Variants in RFX3 observed in about 807,000 individuals in gnomAD.
RFX3 encodes transcription factor RFX3.
A neutral mutation model predicts 98.6 loss-of-function variants in RFX3; 14 were observed. The ratio of observed to expected loss-of-function variants is 0.14; its 90% CI spans 0.09 to 0.22. The LOEUF (loss-of-function observed/expected upper bound fraction) is 0.22, where lower values mean the gene tolerates loss of function less well. Among genes scored for constraint, RFX3 ranks in the 10% least tolerant of loss-of-function variants. The pLI, the probability that RFX3 is intolerant of heterozygous loss-of-function variation, is 1.00. For synonymous variants in RFX3, 383 were observed against 328.4 expected (o/e 1.17, Z -1.80); for missense variants, 639 against 926.9 (o/e 0.69, Z 4.03).
intron 1 of RFX3, among the ~76,000 whole-genome samples, chr9:3,467,063 T>TATATAAGTATATATGTATATACATAC (rs1376915625): frequency 4.2e-5 from 6 of 144,406 alleles, no homozygotes; most frequent in Admixed American, 7.0e-5. Context: ...TACATACATA[T>TATATAAGTATATATGTATATACATAC]ATATAAGTAT....
chr9:3,256,339 C>CTTTTTT (rs200534632), intron 14 of RFX3, among the ~76,000 whole-genome samples: 2 of 144,528 alleles, frequency 1.4e-5, no homozygotes, highest in Non-Finnish European at 3.0e-5. Context: ...GGATTTGTTT[C>CTTTTTT]TTTTTTTTTT....
At chr9:3,442,129 G>C (rs1000514471) in intron 1 of RFX3, among the ~76,000 whole-genome samples, 1 of 152,058 alleles carries the variant, frequency 6.6e-6, no homozygotes, top group Admixed American at 6.6e-5. Context: ...GAACCCGGGA[G>C]ACAGAGGTTG....
At chr9:3,366,362 T>C (rs769470616) in intron 2 of RFX3, among the ~76,000 whole-genome samples, 1 of 152,230 alleles carries the variant, frequency 6.6e-6, no homozygotes, top group Non-Finnish European at 1.5e-5. Flanking sequence ...TGTTTCCAAG[T>C]GCGTGTATAC....
At chr9:3,277,509 C>T in intron 7 of RFX3, 48 bp from the exon 8 acceptor site, 1 of 1,524,950 alleles carries the variant, frequency 6.6e-7, no homozygotes, top group Non-Finnish European at 9.1e-7. Flanking sequence ...TTATTCCTTG[C>T]TTTTTTGTAC....
At chr9:3,424,448 G>T (rs1007393820) in intron 1 of RFX3, among the ~76,000 whole-genome samples, 2 of 124,436 alleles carry the variant, frequency 1.6e-5, no homozygotes, top group Non-Finnish European at 3.2e-5. Context: ...TGCAAGCTCC[G>T]CCTCCCGGGT....
chr9:3,275,775 C>A (rs1825128129), intron 8 of RFX3, among the ~76,000 whole-genome samples, 163 bp from the exon 9 acceptor site: 1 of 151,954 alleles, frequency 6.6e-6, no homozygotes, highest in African/African-American at 2.4e-5. Context: ...TAAAACTAAG[C>A]AACATCATCA....
intron 4 of RFX3, among the ~76,000 whole-genome samples, chr9:3,324,385 G>A (rs185774887): frequency 6.6e-6 from 1 of 151,710 alleles, no homozygotes; most frequent in Admixed American, 6.6e-5. Flanking sequence ...TTTCTGTCTC[G>A]ATGTAGTCAT....
chr9:3,389,589 T>C (rs1485564470), intron 2 of RFX3, among the ~76,000 whole-genome samples: 1 of 152,114 alleles, frequency 6.6e-6, no homozygotes. Flanking sequence ...AAAATCCAAA[T>C]GCTGAAATGC....
intron 1 of RFX3, among the ~76,000 whole-genome samples, chr9:3,403,982 AAG>A (rs1386993567): frequency 1.3e-5 from 2 of 152,160 alleles, no homozygotes; most frequent in African/African-American, 4.8e-5. Context: ...CTTTTAATAA[AAG>A]TGCAGAATAG....
intron 2 of RFX3, among the ~76,000 whole-genome samples, chr9:3,378,900 A>G (rs937336618): frequency 2.0e-5 from 3 of 152,178 alleles, no homozygotes; most frequent in Non-Finnish European, 2.9e-5. Context: ...AACCTAGAAT[A>G]GAGATGCTCC....
At chr9:3,244,972 G>T (rs1028835663) in intron 15 of RFX3, among the ~76,000 whole-genome samples, 3 of 152,162 alleles carry the variant, frequency 2.0e-5, no homozygotes, top group African/African-American at 7.2e-5. Context: ...TCGGAGATCA[G>T]AAGTCTAGAG....
At chr9:3,373,131 G>C (rs1248847140) in intron 2 of RFX3, among the ~76,000 whole-genome samples, 1 of 151,956 alleles carries the variant, frequency 6.6e-6, no homozygotes, top group East Asian at 1.9e-4. Context: ...GTAGGTATGG[G>C]GGAAGACTAG....
Position 3,315,469 on chromosome 9 carries a change from G to A in RFX3, c.475-13849C>T, listed in dbSNP as rs1348730069. On this transcript the variant is annotated intron_variant, in intron 4 of 16. Transcript: ENST00000617270. ...TAACATCACAATTAAAAGAACTAGA[G>A]AAGCAAGAACAAACACATTCAAAAG... is the stretch of plus-strand genomic sequence containing the variant. Among the ~76,000 whole-genome samples, 6 of 152,158 alleles carry A rather than the reference G, an allele frequency of 3.9e-5. 1 individual carries two copies. The highest frequency in any genetic ancestry group is 6.8e-3 in the Middle Eastern group (2 of 294).
At chr9:3,232,433 C>T (rs961773122) in intron 15 of RFX3, among the ~76,000 whole-genome samples, 4 of 152,148 alleles carry the variant, frequency 2.6e-5, no homozygotes, top group African/African-American at 4.8e-5. Context: ...ACAAAGCACC[C>T]ACCACAACCT....
chr9:3,508,956 GACACAC>G (rs373440025), intron 1 of RFX3, among the ~76,000 whole-genome samples: 8 of 147,740 alleles, frequency 5.4e-5, no homozygotes, highest in Non-Finnish European at 3.0e-5. Flanking sequence ...GTAAAACACA[GACACAC>G]ACACACACAC....
In RFX3 at chr9:3,219,462, AC is replaced by A. The variant is rs1204058918; in HGVS notation, c.*5579del. The A allele has an allele frequency of 2.6e-5, 4 of 151,772 alleles. No homozygotes were observed. Among genetic ancestry groups the A allele is most frequent in the Non-Finnish European group, 4.4e-5 (3 of 67,952 alleles). 9.4% of individuals were successfully genotyped at this position (151,772 alleles called of 1,614,324 possible). On this transcript the variant is annotated 3_prime_UTR_variant, in exon 17 of 17. Coordinates refer to ENST00000617270, the MANE Select transcript of RFX3 (RefSeq NM_001282116.2). ...ATCATAATTTATTTAAAAAAAAAAA[AC>A]AAAGGAAAGAGGGGAGAAAAAGAAT...
intron 2 of RFX3, among the ~76,000 whole-genome samples, chr9:3,379,879 AATTTATTTATTTATTT>A (rs36232668): frequency 0.12 from 18,114 of 146,676 alleles, 1,178 homozygotes; most frequent in South Asian, 0.2. Flanking sequence ...ACTTATGGGC[AATTTATTTATTTATTT>A]ATTTATTTAT....
intron 15 of RFX3, among the ~76,000 whole-genome samples, chr9:3,236,539 C>T (rs966422755): frequency 3.3e-5 from 5 of 152,196 alleles, no homozygotes; most frequent in African/African-American, 1.2e-4. Context: ...GCCCCAAAGA[C>T]CTTGGAAAGC....
intron 1 of RFX3, among the ~76,000 whole-genome samples, chr9:3,418,758 C>T (rs1385493906): frequency 1.3e-5 from 2 of 152,092 alleles, no homozygotes; most frequent in African/African-American, 4.8e-5. Flanking sequence ...AGGATATCAT[C>T]ATAGAAAAAT....
Sources: gnomAD v4.1 joint callset for allele counts (sites outside exome capture counted in the v4.1 genomes callset) on GRCh38, gnomAD v4.1.1 for gene constraint, MANE v1.5 for transcripts, NCBI Gene and HGNC (gene_info 2026-07-23, HGNC 2026-07-21) for gene names.